LAMTOR5: variants seen among roughly 807,000 people sequenced by gnomAD.
LAMTOR5 encodes the protein late endosomal/lysosomal adaptor, MAPK and MTOR activator 5, also known as ragulator complex protein LAMTOR5.
LAMTOR5 carries 8 observed loss-of-function variants against 12.1 expected under a neutral mutation model. The ratio of observed to expected loss-of-function variants is 0.66; its 90% CI spans 0.39 to 1.19. The LOEUF (loss-of-function observed/expected upper bound fraction) is 1.19, where lower values mean the gene tolerates loss of function less well. Among genes scored for constraint, LAMTOR5 ranks in the 50% most tolerant of loss-of-function variants. The pLI is 0.01. For missense variants in LAMTOR5, 110 were observed against 112.8 expected, an observed-to-expected ratio of 0.97 and a Z score of 0.11; for synonymous variants, 37 against 41.9, an observed-to-expected ratio of 0.88 and a Z score of 0.45.
intron 3 of LAMTOR5, 44 bp from the exon 4 acceptor site, chr1:110,401,627 GACTTC>G: frequency 1.9e-6 from 3 of 1,555,630 alleles, no homozygotes; most frequent in Non-Finnish European, 1.8e-6. Context: ...TAATCAGTGG[GACTTC>G]ACTGCAAGAT....
At chr1:110,407,016 T>G (rs764464436) in intron 1 of LAMTOR5, 14 of 692,158 alleles carry the variant, frequency 2.0e-5, no homozygotes, top group Non-Finnish European at 3.7e-5. Flanking sequence ...AAACAACTGT[T>G]GAAAAACTCA....
intron 2 of LAMTOR5, 137 bp downstream of exon 2, chr1:110,406,181 A>C: frequency 2.1e-6 from 1 of 484,016 alleles, no homozygotes; most frequent in Non-Finnish European, 3.6e-6. Context: ...TTATTTGGAG[A>C]TAATCTCTAC....
chr1:110,407,494 C>T (rs1388259617), intron 1 of LAMTOR5, 92 bp downstream of exon 1: 3 of 1,478,850 alleles, frequency 2.0e-6, no homozygotes, highest in Non-Finnish European at 2.7e-6. Flanking sequence ...CCCCGAGACG[C>T]CCTGGCCGGT....
chr1:110,404,428 T>C (rs1394106116), intron 2 of LAMTOR5, among the ~76,000 whole-genome samples: 1 of 152,242 alleles, frequency 6.6e-6, no homozygotes, highest in Non-Finnish European at 1.5e-5. Flanking sequence ...TAGATTTCCA[T>C]ACCTGAATTT....
chr1:110,405,517 T>TG lies in LAMTOR5; in HGVS notation c.97+800dup, dbSNP rs368853249. Among the ~76,000 whole-genome samples the TG allele has an allele frequency of 1.2e-3, 180 of 152,124 alleles. 2 individuals are homozygous for TG. Among genetic ancestry groups the TG allele is most frequent in the South Asian group, 0.01 (50 of 4,822 alleles). The stretch of plus-strand genomic sequence containing the variant: ...TATATGTTTATTGTAAAAATAGAGA[T>TG]GGGGGGTCTCACTGTGTTGCACAGG... On this transcript the variant is annotated intron_variant, in intron 2 of 3. Transcript: ENST00000602318.
chr1:110,406,489 A>G (rs945341889), intron 1 of LAMTOR5, 110 bp from the exon 2 acceptor site: 32 of 671,876 alleles, frequency 4.8e-5, no homozygotes, highest in Non-Finnish European at 6.4e-5. Flanking sequence ...CTTTAAATCA[A>G]TATTTCTCAA....
chr1:110,403,758 C>T (rs1280906482), intron 3 of LAMTOR5, 161 bp downstream of exon 3: 3 of 1,103,504 alleles, frequency 2.7e-6, no homozygotes, highest in Non-Finnish European at 3.7e-6. Flanking sequence ...AGCACATTAG[C>T]TTTAGGGATC....
intron 1 of LAMTOR5, chr1:110,406,681 A>G: frequency 3.5e-6 from 1 of 283,670 alleles, no homozygotes; most frequent in Non-Finnish European, 6.7e-6. Context: ...AAAATTAGCC[A>G]GGCGTGGTGG....
Position 110,403,967 on chromosome 1 carries a change from G to C in LAMTOR5, c.167C>G (p.Thr56Ser). The change falls in exon 3 of 4, where the codon ACC becomes AGC. Residue 56 changes from threonine (T) to serine (S), a missense_variant. Thr to Ser is a moderately conservative substitution (Grantham distance 58, BLOSUM62 1). Coordinates refer to ENST00000602318, the MANE Select transcript of LAMTOR5 (RefSeq NM_001382293.1). ...CACAGGAATATCAGTGGGGTCAGAG[G>C]TTAGCTTAGCTGCTTGCTGGGCTAG... ...SVLAQQAAKLTSDPTDIPVVC... is the reference protein window; with the variant it reads ...SVLAQQAAKLSSDPTDIPVVC... 1 of 1,614,216 alleles carries C rather than the reference G, an allele frequency of 6.2e-7. No individual in the cohort carries two copies. Among genetic ancestry groups the C allele is most frequent in the Non-Finnish European group, 8.5e-7 (1 of 1,180,040 alleles).
intron 1 of LAMTOR5, 106 bp downstream of exon 1, chr1:110,407,480 A>C (rs1663358333): frequency 1.4e-6 from 2 of 1,382,826 alleles, no homozygotes; most frequent in Non-Finnish European, 1.9e-6. Context: ...GGGTCGCGCG[A>C]CGTCCCCGAG....
chr1:110,401,696 A>C, intron 3 of LAMTOR5, 113 bp from the exon 4 acceptor site: 1 of 1,162,534 alleles, frequency 8.6e-7, no homozygotes, highest in East Asian at 2.6e-5. Flanking sequence ...AATTGTTTCT[A>C]CGTATAAAAG....
chr1:110,402,029 T>C (rs1403022063), intron 3 of LAMTOR5, among the ~76,000 whole-genome samples: 1 of 152,228 alleles, frequency 6.6e-6, no homozygotes, highest in Non-Finnish European at 1.5e-5. Context: ...CATATGATGG[T>C]GGTCCCGTAA....
At chr1:110,407,320 A>G (rs966523091) in intron 1 of LAMTOR5, 3 of 590,158 alleles carry the variant, frequency 5.1e-6, no homozygotes, top group Non-Finnish European at 9.0e-6. Context: ...GACGATTTCA[A>G]CAACGAGATA....
At chr1:110,404,961 T>C (rs1663298924) in intron 2 of LAMTOR5, among the ~76,000 whole-genome samples, 1 of 151,314 alleles carries the variant, frequency 6.6e-6, no homozygotes, top group Non-Finnish European at 1.5e-5. Context: ...GGCAGGAGAA[T>C]TGCCTGAACC....
chr1:110,407,500 C>T, intron 1 of LAMTOR5, 86 bp downstream of exon 1: 1 of 1,502,296 alleles, frequency 6.7e-7, no homozygotes, highest in South Asian at 1.3e-5. Context: ...GACGCCCTGG[C>T]CGGTACTCGC....
Position 110,404,052 on chromosome 1 carries a change from GAT to G in LAMTOR5, c.98-18_98-17del. On this transcript the variant is annotated splice_polypyrimidine_tract_variant and intron_variant, in intron 2 of 3. Coordinates refer to ENST00000602318, the MANE Select transcript of LAMTOR5 (RefSeq NM_001382293.1). ...GTCCCGCGGCCTGGAAAATAGAGAT[GAT>G]ATATGTCACCTGATTGCTCATAGAG... 6.2e-7 allele frequency: 1 copy of G among 1,612,074 alleles called. No homozygotes were observed.
chr1:110,407,496 C>G, intron 1 of LAMTOR5, 90 bp downstream of exon 1: 1 of 1,490,968 alleles, frequency 6.7e-7, no homozygotes, highest in South Asian at 1.3e-5. Flanking sequence ...CCGAGACGCC[C>G]TGGCCGGTAC....
At chr1:110,403,755 T>C (rs1663271640) in intron 3 of LAMTOR5, 164 bp downstream of exon 3, 1 of 1,049,204 alleles carries the variant, frequency 9.5e-7, no homozygotes, top group Non-Finnish European at 1.3e-6. Flanking sequence ...GAGAGCACAT[T>C]AGCTTTAGGG....
chr1:110,405,998 G>A (rs114629222), intron 2 of LAMTOR5, among the ~76,000 whole-genome samples: 2,218 of 152,262 alleles, frequency 0.015, 23 homozygotes, highest in Middle Eastern at 0.02. Context: ...CTCAGCATAT[G>A]GCATACATTC....
Sources: gnomAD v4.1 joint callset for allele counts (sites outside exome capture counted in the v4.1 genomes callset) on GRCh38, gnomAD v4.1.1 for gene constraint, MANE v1.5 for transcripts, NCBI Gene and HGNC (gene_info 2026-07-23, HGNC 2026-07-21) for gene names.